NCAPD3: variants seen among roughly 807,000 people sequenced by gnomAD.
The protein encoded by NCAPD3 is condensin-2 complex subunit D3.
In NCAPD3, 105 loss-of-function variants were observed where a neutral mutation model predicts 182.9. The observed-to-expected ratio is 0.57, with a 90% confidence interval of 0.49 to 0.68. The LOEUF (loss-of-function observed/expected upper bound fraction) is 0.68, where lower values mean the gene tolerates loss of function less well. Among genes scored for constraint, NCAPD3 ranks in the 30% least tolerant of loss-of-function variants. The probability of loss-of-function intolerance (pLI) is 0.00; values close to 1 mark genes in which losing one functional copy is unlikely to be tolerated. For synonymous variants in NCAPD3, 815 were observed against 679.9 expected, an observed-to-expected ratio of 1.20 and a Z score of -3.09; for missense variants, 1,944 against 1,837.0, an observed-to-expected ratio of 1.06 and a Z score of -1.07.
rs1312531378 is a variant in NCAPD3 at position 134,151,065 on chromosome 11, G to T, written c.*1879C>A. 1 of 152,284 alleles carries T rather than the reference G, an allele frequency of 6.6e-6. No homozygotes were observed. The highest frequency in any genetic ancestry group is 1.5e-5 in the Non-Finnish European group (1 of 68,076). The allele number at this position is 152,284 out of a possible 1,614,324, so 9.4% of individuals were successfully genotyped here. On this transcript the variant is annotated 3_prime_UTR_variant, in exon 35 of 35. Transcript: ENST00000534548. ...ACATGCCCTGCCGTGCTGGACTCAG[G>T]ACTGAAGTGCTGTAAAGCAAGGAGC...
intron 2 of NCAPD3, among the ~76,000 whole-genome samples, chr11:134,220,043 C>G (rs886644544): frequency 1.3e-5 from 2 of 152,156 alleles, no homozygotes; most frequent in Non-Finnish European, 2.9e-5. Flanking sequence ...ATCCACCCAC[C>G]TCGGCCTCCC....
chr11:134,186,689 C>G (rs187576097), intron 16 of NCAPD3, among the ~76,000 whole-genome samples: 1 of 152,152 alleles, frequency 6.6e-6, no homozygotes, highest in Non-Finnish European at 1.5e-5. Flanking sequence ...CATACCCACA[C>G]GCGAACATCA....
In NCAPD3 at chr11:134,178,886, C is replaced by A; in HGVS notation, c.2610G>T (p.Arg870Ser). Residue 870 changes from arginine to serine, a missense_variant, in exon 21 of 35, where the codon AGG (arginine) becomes AGT (serine). Arg to Ser is a moderately radical substitution (Grantham distance 110, BLOSUM62 -1). Coordinates refer to ENST00000534548, the MANE Select transcript of NCAPD3 (RefSeq NM_015261.3). ...LGDIAQLCPA[R>S]VEKRIFLLIQ... ...TCAGAAGGAAGATGCGCTTCTCCACCCTGGCTGGACACAGCTGGGCTATAT... is the reference window on the plus strand; with the variant it reads ...TCAGAAGGAAGATGCGCTTCTCCACACTGGCTGGACACAGCTGGGCTATAT... 1.2e-6 allele frequency: 2 copies of A among 1,614,096 alleles called. No homozygotes were observed. Among genetic ancestry groups the A allele is most frequent in the Non-Finnish European group, 1.7e-6 (2 of 1,180,010 alleles).
At chr11:134,157,811 A>C in intron 31 of NCAPD3, 117 bp downstream of exon 31, 1 of 1,155,058 alleles carries the variant, frequency 8.7e-7, no homozygotes, top group South Asian at 1.8e-5. Flanking sequence ...AGCCCAATTA[A>C]CGTTATTTGT....
intron 27 of NCAPD3, among the ~76,000 whole-genome samples, chr11:134,164,928 C>T (rs1157022321): frequency 6.7e-6 from 1 of 149,508 alleles, no homozygotes; most frequent in Non-Finnish European, 1.5e-5. Flanking sequence ...GTGAGATGAG[C>T]TTAGGGGGAG....
chr11:134,166,686 G>A (rs575031956), intron 27 of NCAPD3, among the ~76,000 whole-genome samples: 2 of 108,084 alleles, frequency 1.9e-5, no homozygotes, highest in African/African-American at 3.9e-5. Flanking sequence ...TTGGGGGAGG[G>A]GCACACTGAG....
At chr11:134,162,417 C>G (rs1444522870) in intron 27 of NCAPD3, among the ~76,000 whole-genome samples, 1 of 152,120 alleles carries the variant, frequency 6.6e-6, no homozygotes, top group South Asian at 2.1e-4. Context: ...ATATATAGTA[C>G]CTGATTTGAC....
At chr11:134,163,482 G>C (rs563255962) in intron 27 of NCAPD3, among the ~76,000 whole-genome samples, 56 of 152,106 alleles carry the variant, frequency 3.7e-4, no homozygotes, top group African/African-American at 1.3e-3. Flanking sequence ...GGCAGATCAC[G>C]AGATCAGGAG....
chr11:134,194,799 T>C, intron 13 of NCAPD3, 61 bp from the exon 14 acceptor site: 2 of 1,147,292 alleles, frequency 1.7e-6, no homozygotes, highest in Non-Finnish European at 2.6e-6. Flanking sequence ...CAGCTAACAT[T>C]TCACCACACA....
At chr11:134,192,549 A>G in intron 16 of NCAPD3, 140 bp downstream of exon 16, 1 of 701,416 alleles carries the variant, frequency 1.4e-6, no homozygotes, top group Non-Finnish European at 2.4e-6. Context: ...TCAGTCAGGG[A>G]AAGAGAGACC....
At chr11:134,167,547 G>A (rs1483031452) in intron 27 of NCAPD3, among the ~76,000 whole-genome samples, 3 of 138,158 alleles carry the variant, frequency 2.2e-5, no homozygotes, top group East Asian at 4.8e-4. Context: ...AGTGAGATGA[G>A]CTCGGGGGAG....
At chr11:134,178,596 G>A (rs763019869) in intron 22 of NCAPD3, 38 bp downstream of exon 22, 5 of 1,452,244 alleles carry the variant, frequency 3.4e-6, no homozygotes, top group Non-Finnish European at 4.7e-6. Context: ...GCTACACACA[G>A]AACGATGTCA....
Position 134,204,261 on chromosome 11 carries a change from T to C in NCAPD3, c.1090-90A>G, listed in dbSNP as rs750687122. 298 of 1,402,234 alleles carry C rather than the reference T, an allele frequency of 2.1e-4. No homozygotes were observed. Among genetic ancestry groups the C allele is most frequent in the Middle Eastern group, 1.1e-3 (6 of 5,536 alleles). 86.9% of individuals were successfully genotyped at this position (1,402,234 alleles called of 1,614,324 possible). A position where few individuals can be genotyped will look rare whatever the true frequency, so the allele number is the denominator to read the frequency against. On this transcript the variant is annotated intron_variant, in intron 9 of 34. Coordinates refer to ENST00000534548, the MANE Select transcript of NCAPD3 (RefSeq NM_015261.3). The surrounding 1 kb of genome is among the most constrained non-coding windows in gnomAD (Gnocchi z 4.3). ...GTAATATAAGTTGAAAGTCAGTGAG[T>C]ACAACTAGTTCAATGACCTTTAAAT...
chr11:134,187,740 C>T (rs1431679626), intron 16 of NCAPD3, among the ~76,000 whole-genome samples: 1 of 152,212 alleles, frequency 6.6e-6, no homozygotes, highest in East Asian at 1.9e-4. Flanking sequence ...TCTCCTGTAG[C>T]TCCCTTTCCA....
intron 24 of NCAPD3, 103 bp from the exon 25 acceptor site, chr11:134,169,157 C>A: frequency 5.2e-6 from 6 of 1,153,930 alleles, no homozygotes; most frequent in Non-Finnish European, 7.1e-6. Flanking sequence ...TGTACATAAG[C>A]GTAGGGATTC....
At chr11:134,200,717 C>T (rs1240642061) in intron 13 of NCAPD3, among the ~76,000 whole-genome samples, 2 of 152,184 alleles carry the variant, frequency 1.3e-5, no homozygotes, top group African/African-American at 4.8e-5. Context: ...AGCAGTTCTC[C>T]TCCTAGGTAT....
intron 29 of NCAPD3, 108 bp from the exon 30 acceptor site, chr11:134,158,603 T>C: frequency 2.5e-6 from 3 of 1,181,202 alleles, no homozygotes; most frequent in South Asian, 1.5e-5. Context: ...TTTTGATACA[T>C]GTGGACAACG....
intron 29 of NCAPD3, among the ~76,000 whole-genome samples, chr11:134,158,833 C>T (rs371635748): frequency 1.1e-4 from 17 of 152,342 alleles, no homozygotes; most frequent in East Asian, 9.6e-4. Context: ...TCTCCCACCC[C>T]TTCCCAGCCT....
In NCAPD3 at chr11:134,153,173, T is replaced by C. The variant is rs147042577; in HGVS notation, c.4355A>G (p.Asn1452Ser). ...AGGCAGTGATAAACATAAGATGTCATTTCCTTGACTCCGGCCTTCAATTTT... is the reference window on the plus strand; with the variant it reads ...AGGCAGTGATAAACATAAGATGTCACTTCCTTGACTCCGGCCTTCAATTTT... ...KEKIEGRSQG[N>S]DILCLSLPDK... Residue 1452 changes from asparagine to serine, a missense_variant, in exon 34 of 35, where the codon AAT becomes AGT. Physicochemically the swap from Asn to Ser is conservative, Grantham distance 46. Around this residue, in one of 3 missense-constraint regions of NCAPD3, gnomAD observed 1,803 missense variants for 1,674.6 expected, o/e 1.08. Coordinates refer to ENST00000534548, the MANE Select transcript of NCAPD3 (RefSeq NM_015261.3). 3.2e-5 allele frequency: 51 copies of C among 1,614,196 alleles called. No homozygotes were observed. Among genetic ancestry groups the C allele is most frequent in the Admixed American group, 1.2e-4 (7 of 60,022 alleles).
Sources: allele counts gnomAD v4.1 joint callset (sites outside exome capture counted in the v4.1 genomes callset), GRCh38; gene constraint gnomAD v4.1.1; regional missense constraint gnomAD v4.1.1; non-coding constraint Gnocchi (gnomAD v3.1); transcripts MANE v1.5; gene names NCBI Gene and HGNC (gene_info 2026-07-23, HGNC 2026-07-21).